Variants in BRINP3 observed in about 807,000 individuals in gnomAD.
BRINP3 encodes BMP/retinoic acid-inducible neural-specific protein 3.
BRINP3 carries 19 observed loss-of-function variants against 71.0 expected under a neutral mutation model. That is an observed-to-expected ratio of 0.27 (90% CI 0.19 to 0.39). The LOEUF (loss-of-function observed/expected upper bound fraction) is 0.39. BRINP3 is among the 10% of genes least tolerant of loss of function. The pLI, the probability that BRINP3 is intolerant of heterozygous loss-of-function variation, is 1.00. For missense variants in BRINP3, 959 were observed against 940.8 expected (o/e 1.02, Z -0.25); for synonymous variants, 380 against 337.7 (o/e 1.13, Z -1.37).
At chr1:190,423,545 A>G (rs1673514393) in intron 2 of BRINP3, among the ~76,000 whole-genome samples, 1 of 151,748 alleles carries the variant, frequency 6.6e-6, no homozygotes. Context: ...TTTTACCTTT[A>G]CTTATTTGGC....
chr1:190,323,945 T>C (rs191906152), intron 2 of BRINP3, among the ~76,000 whole-genome samples: 1 of 151,994 alleles, frequency 6.6e-6, no homozygotes, highest in Admixed American at 6.6e-5. Context: ...ACAAATAAAA[T>C]ATTGGAAAGG....
intron 6 of BRINP3, among the ~76,000 whole-genome samples, chr1:190,180,770 TTA>T (rs1179554525): frequency 6.6e-6 from 1 of 152,024 alleles, no homozygotes; most frequent in Admixed American, 6.6e-5. Context: ...TAAAAAAACT[TTA>T]TATAACACGT....
At position 190,448,239 on chromosome 1, in the gene BRINP3, G is replaced by A. The variant is rs571121609; in HGVS notation, c.236+6416C>T. ...ATTCTTAATATCTAGTTTTAAATTT[G>A]CATTCTTAAGATTTTTGAGAATTTT... On this transcript the variant is annotated intron_variant, in intron 2 of 7. Coordinates refer to ENST00000367462, the MANE Select transcript of BRINP3 (RefSeq NM_199051.3). Among the ~76,000 whole-genome samples, 33 of 151,212 alleles carry A rather than the reference G, an allele frequency of 2.2e-4. 1 individual carries two copies. Among genetic ancestry groups the A allele is most frequent in the African/African-American group, 7.7e-4 (32 of 41,316 alleles).
intron 2 of BRINP3, among the ~76,000 whole-genome samples, chr1:190,375,847 A>C (rs1670151487): frequency 6.6e-6 from 1 of 152,008 alleles, no homozygotes; most frequent in East Asian, 1.9e-4. Flanking sequence ...AGGACATAAA[A>C]ATAAATATGT....
rs564552328 is a variant in BRINP3, at chr1:190,296,234, A to T, written c.237-14484T>A. Among the ~76,000 whole-genome samples, 409 of 123,470 alleles carry T rather than the reference A, an allele frequency of 3.3e-3. 3 individuals are homozygous for T. The highest frequency in any genetic ancestry group is 9.8e-3 in the African/African-American group (383 of 38,942). 81.0% of individuals were successfully genotyped at this position (123,470 alleles called of 152,430 possible). On this transcript the variant is annotated intron_variant, in intron 2 of 7. Coordinates refer to ENST00000367462, the MANE Select transcript of BRINP3 (RefSeq NM_199051.3). Reference sequence around the variant, plus strand: ...GATGTACCCACAAACATTAAAAATTAAAAAAAAACATGGGATGTAAGGATG... The same window carrying T: ...GATGTACCCACAAACATTAAAAATTTAAAAAAAACATGGGATGTAAGGATG...
intron 4 of BRINP3, among the ~76,000 whole-genome samples, chr1:190,248,138 T>C (rs551351329): frequency 2.0e-5 from 3 of 152,006 alleles, no homozygotes; most frequent in African/African-American, 7.2e-5. Flanking sequence ...TTTTAATCCA[T>C]AATTTTAGTT....
rs569572131 is a variant in BRINP3, at chr1:190,241,709, C to T, written c.619-7232G>A. Among the ~76,000 whole-genome samples the T allele has an allele frequency of 1.2e-4, 18 of 151,924 alleles. No individual in the cohort carries two copies. In the South Asian group the frequency reaches 3.7e-3, roughly 32 times the overall value. ...TCCTGCATATTCTTATATTACTTCC[C>T]ACTAGGATTGTGAAGAGTAAAATAC... is the stretch of plus-strand genomic sequence containing the variant. On this transcript the variant is annotated intron_variant, in intron 4 of 7. Coordinates refer to ENST00000367462, the MANE Select transcript of BRINP3 (RefSeq NM_199051.3).
chr1:190,300,358 T>A (rs1259382859), intron 2 of BRINP3, among the ~76,000 whole-genome samples: 1 of 152,194 alleles, frequency 6.6e-6, no homozygotes, highest in Admixed American at 6.5e-5. Flanking sequence ...CTGAGGCTTC[T>A]GCATTCTTCA....
At chr1:190,337,953 C>T (rs910103968) in intron 2 of BRINP3, among the ~76,000 whole-genome samples, 2 of 151,884 alleles carry the variant, frequency 1.3e-5, no homozygotes, top group East Asian at 1.9e-4. Flanking sequence ...TGAAATGGGT[C>T]CTGTCACATA....
intron 6 of BRINP3, among the ~76,000 whole-genome samples, chr1:190,210,437 A>C (rs570016162): frequency 6.6e-6 from 1 of 152,248 alleles, no homozygotes; most frequent in South Asian, 2.1e-4. Flanking sequence ...TCTTTGAGTG[A>C]ATTATGAGTT....
At chr1:190,384,166 A>ATCATTTTT (rs1670731338) in intron 2 of BRINP3, among the ~76,000 whole-genome samples, 1 of 143,996 alleles carries the variant, frequency 6.9e-6, no homozygotes, top group African/African-American at 2.5e-5. Context: ...TCATTGCCTT[A>ATCATTTTT]TCATTGCCTT....
intron 2 of BRINP3, among the ~76,000 whole-genome samples, chr1:190,365,559 T>G (rs753750659): frequency 2.7e-5 from 4 of 147,384 alleles, no homozygotes; most frequent in Non-Finnish European, 6.0e-5. Flanking sequence ...ACAATATAAT[T>G]ATATTTTAGT....
intron 7 of BRINP3, among the ~76,000 whole-genome samples, chr1:190,145,103 T>C (rs1300973100): frequency 5.9e-5 from 9 of 152,136 alleles, no homozygotes; most frequent in Non-Finnish European, 8.8e-5. Context: ...TTTACTTTAT[T>C]TTTTCACCCC....
chr1:190,359,968 T>C (rs1043963811), intron 2 of BRINP3, among the ~76,000 whole-genome samples: 3 of 152,148 alleles, frequency 2.0e-5, no homozygotes, highest in Non-Finnish European at 4.4e-5. Context: ...TTTAGGTTTA[T>C]TATTAGAACA....
chr1:190,320,825 T>G (rs185880684), intron 2 of BRINP3, among the ~76,000 whole-genome samples: 31 of 152,206 alleles, frequency 2.0e-4, no homozygotes, highest in Middle Eastern at 3.4e-3. Context: ...GCTCATGATA[T>G]GAGAACGTAC....
intron 3 of BRINP3, among the ~76,000 whole-genome samples, chr1:190,270,838 TA>T (rs1662047064): frequency 6.6e-6 from 1 of 151,696 alleles, no homozygotes; most frequent in African/African-American, 2.4e-5. Context: ...GAAAATGCAT[TA>T]AAATGTTGAA....
rs1220585726 is a variant in BRINP3, at chr1:190,223,662, A to G, written c.961+2420T>C. On this transcript the variant is annotated intron_variant, in intron 6 of 7. Coordinates refer to ENST00000367462, the MANE Select transcript of BRINP3 (RefSeq NM_199051.3). ...ACCACTTTTATTCAACATGACATGG[A>G]AAGTCCTCTCCAGAACAAGTAGGGA... 3.3e-5 allele frequency among the ~76,000 whole-genome samples: 5 copies of G among 152,028 alleles called. No individual in the cohort carries two copies. In the East Asian group the frequency reaches 9.7e-4, roughly 29 times the overall value.
At chr1:190,338,711 C>T (rs1367364153) in intron 2 of BRINP3, among the ~76,000 whole-genome samples, 1 of 151,518 alleles carries the variant, frequency 6.6e-6, no homozygotes, top group Admixed American at 6.6e-5. Flanking sequence ...GTCTTGCTTA[C>T]CTGTACTATC....
intron 7 of BRINP3, among the ~76,000 whole-genome samples, chr1:190,136,645 T>G (rs1252571105): frequency 5.3e-5 from 8 of 152,138 alleles, no homozygotes; most frequent in Non-Finnish European, 1.2e-4. Flanking sequence ...ACGCAAACAT[T>G]TTTATTTTTT....
Sources: gnomAD v4.1 joint callset for allele counts (sites outside exome capture counted in the v4.1 genomes callset) on GRCh38, gnomAD v4.1.1 for gene constraint, MANE v1.5 for transcripts, NCBI Gene and HGNC (gene_info 2026-07-23, HGNC 2026-07-21) for gene names.